ADCY3: variants seen among roughly 807,000 people sequenced by gnomAD.
ADCY3 encodes the protein adenylate cyclase 3, also known as adenylate cyclase type 3.
Under a neutral mutation model 119.4 loss-of-function variants are expected in ADCY3, and 70 were observed. The ratio of observed to expected loss-of-function variants is 0.59; its 90% confidence interval spans 0.48 to 0.72. ADCY3 has a LOEUF of 0.72. Among genes scored for constraint, ADCY3 ranks in the 30% least tolerant of loss-of-function variants. The pLI is 0.00. For synonymous variants in ADCY3, 672 were observed against 621.4 expected (o/e 1.08, Z -1.21); for missense variants, 1,238 against 1,541.6 (o/e 0.80, Z 3.30).
chr2:24,856,680 G>C (rs1474366028), intron 3 of ADCY3, among the ~76,000 whole-genome samples: 1 of 152,180 alleles, frequency 6.6e-6, no homozygotes, highest in Non-Finnish European at 1.5e-5. Flanking sequence ...AGACTAGGGG[G>C]CCCACGTGTG....
intron 13 of ADCY3, 103 bp from the exon 14 acceptor site, chr2:24,828,264 C>T (rs559928401): frequency 1.8e-5 from 25 of 1,400,456 alleles, no homozygotes; most frequent in Middle Eastern, 2.6e-4. Flanking sequence ...CCACCTCCCG[C>T]GGCTCCCCCA....
chr2:24,920,136 C>T lies in ADCY3; in HGVS notation c.-651G>A, dbSNP rs1157977369. On this transcript the variant is annotated 5_prime_UTR_variant, in exon 1 of 22. Coordinates refer to ENST00000679454, the MANE Select transcript of ADCY3 (RefSeq NM_004036.5). This position sits in a 1 kb window ranked among gnomAD's most constrained non-coding sequence, Gnocchi z 4.5. ...GAGCCCGGGGAAGCCCGCCAGCATC[C>T]TCTCGCCCGCCCGCGCCGAGCCGAG... is the stretch of plus-strand genomic sequence containing the variant. Among the ~76,000 whole-genome samples the T allele has an allele frequency of 6.8e-6, 1 of 146,254 alleles. No individual in the cohort carries two copies. The highest frequency in any genetic ancestry group is 1.5e-5 in the Non-Finnish European group (1 of 65,750).
intron 13 of ADCY3, 31 bp from the exon 14 acceptor site, chr2:24,828,192 C>A (rs368885005): frequency 1.6e-5 from 25 of 1,608,186 alleles, no homozygotes; most frequent in Non-Finnish European, 2.0e-5. Context: ...CAGGGACACA[C>A]GTTCAAGAGA....
At chr2:24,835,080 G>T in intron 9 of ADCY3, 144 bp from the exon 10 acceptor site, 1 of 1,165,844 alleles carries the variant, frequency 8.6e-7, no homozygotes, top group Non-Finnish European at 1.2e-6. Flanking sequence ...TCCCTTTCCG[G>T]GAAGTCTTCC....
At chr2:24,821,441 GTC>G (rs1286925154) in intron 20 of ADCY3, 74 bp downstream of exon 20, 48 of 1,576,038 alleles carry the variant, frequency 3.0e-5, no homozygotes, top group Non-Finnish European at 4.1e-5. Context: ...TGAGCCTCAT[GTC>G]TCTCCTGGTG....
rs140258004 is a variant in ADCY3 at position 24,824,417 on chromosome 2, G to A, written c.2697C>T (p.His899=). 3.1e-4 allele frequency: 505 copies of A among 1,614,204 alleles called. 2 individuals are homozygous for A. The highest frequency in any genetic ancestry group is 1.1e-3 in the South Asian group (103 of 91,090). The change falls in exon 17 of 22, where the codon CAC becomes CAT. Residue 899 remains histidine, a synonymous_variant. Coordinates refer to ENST00000679454, the MANE Select transcript of ADCY3 (RefSeq NM_004036.5). ...TGGACCCCAGGAAATGGCGTGCCAC[G>A]TGCTCAGGCAACATGTTGGTGACCA... ...EALVTNMLPE[H]VARHFLGSKK...
At chr2:24,869,678 TTACAGGCATAGCCACCTG>T (rs1286621136) in intron 3 of ADCY3, among the ~76,000 whole-genome samples, 1 of 152,172 alleles carries the variant, frequency 6.6e-6, no homozygotes, top group Non-Finnish European at 1.5e-5. Flanking sequence ...AGTGCTGATA[TTACAGGCATAGCCACCTG>T]CCTGGCCACA....
rs376322099 is a variant in ADCY3 at position 24,902,132 on chromosome 2, G to A, written c.675+16181C>T. On this transcript the variant is annotated intron_variant, in intron 2 of 21. Transcript: ENST00000679454. ...GTCTCACTCTGTTACCCAGGTTGGA[G>A]TGCAGTGTTGTGATCATGGCTCACT... Among the ~76,000 whole-genome samples the A allele has an allele frequency of 1.8e-4, 26 of 146,520 alleles. No homozygotes were observed. The South Asian group carries it at 5.5e-3, about 31-fold the overall frequency.
intron 2 of ADCY3, among the ~76,000 whole-genome samples, chr2:24,877,602 G>T (rs1675875123): frequency 1.3e-5 from 2 of 152,204 alleles, no homozygotes; most frequent in Non-Finnish European, 2.9e-5. Context: ...GCTGAGGATG[G>T]CTTCACGAAG....
chr2:24,821,399 G>T, intron 20 of ADCY3, 118 bp downstream of exon 20: 2 of 1,447,928 alleles, frequency 1.4e-6, no homozygotes, highest in South Asian at 1.3e-5. Context: ...GTGAGTGCGT[G>T]AACCTCCCCA....
chr2:24,837,494 C>A (rs879767415), intron 8 of ADCY3, among the ~76,000 whole-genome samples: 8 of 152,144 alleles, frequency 5.3e-5, no homozygotes, highest in Non-Finnish European at 1.0e-4. Context: ...GGAGTATCAG[C>A]CTTCACTCCG....
At chr2:24,876,671 A>C (rs1234261351) in intron 2 of ADCY3, among the ~76,000 whole-genome samples, 1 of 152,190 alleles carries the variant, frequency 6.6e-6, no homozygotes, top group African/African-American at 2.4e-5. Context: ...GGCCGCAGGA[A>C]GAACTTGATG....
chr2:24,820,034 C>G lies in ADCY3; in HGVS notation c.3333G>C (p.Lys1111Asn). 1.2e-6 allele frequency: 2 copies of G among 1,609,090 alleles called. No individual in the cohort carries two copies. The highest frequency in any genetic ancestry group is 8.5e-7 in the Non-Finnish European group (1 of 1,177,846). Residue 1111 changes from lysine to asparagine, a missense_variant, in exon 22 of 22, where the codon AAG (lysine) becomes AAC (asparagine). Lys to Asn is a moderately conservative substitution (Grantham distance 94). Coordinates refer to ENST00000679454, the MANE Select transcript of ADCY3 (RefSeq NM_004036.5). ...TCAAGAAGAAGGTCAGCAGCTCCCC[C>G]TTCCCCTTCACAAAGATGGGGCCTC... ...VRRGPIFVKG[K>N]GELLTFFLKG...
rs1678573197 is a variant in ADCY3, at chr2:24,898,746, G to A, written c.675+19567C>T. 6.6e-6 allele frequency among the ~76,000 whole-genome samples: 1 copy of A among 152,146 alleles called. No homozygotes were observed. The highest frequency in any genetic ancestry group is 2.1e-4 in the South Asian group (1 of 4,830). On this transcript the variant is annotated intron_variant, in intron 2 of 21. Transcript: ENST00000679454. This position sits in a 1 kb window ranked among gnomAD's most constrained non-coding sequence, Gnocchi z 4.3. ...AGACAACCCTTGCCTGGGGAAGCCT[G>A]GGAGGTTCGGGGAAGCAAACAGAAT...
intron 21 of ADCY3, 156 bp from the exon 22 acceptor site, chr2:24,820,270 G>A (rs982890862): frequency 1.9e-5 from 23 of 1,210,034 alleles, no homozygotes; most frequent in South Asian, 4.2e-5. Context: ...CCTTCCACCC[G>A]TGGCGAGCAG....
intron 2 of ADCY3, among the ~76,000 whole-genome samples, chr2:24,883,873 C>T (rs1676699625): frequency 6.6e-6 from 1 of 152,222 alleles, no homozygotes; most frequent in African/African-American, 2.4e-5. Flanking sequence ...CCATGGAACA[C>T]AGCAAACTCT....
chr2:24,853,465 ATC>A (rs1307012494), intron 3 of ADCY3, among the ~76,000 whole-genome samples: 5 of 134,010 alleles, frequency 3.7e-5, no homozygotes, highest in East Asian at 2.2e-4. Flanking sequence ...AACGCGCCTC[ATC>A]TTTTTTTTTT....
In ADCY3 at chr2:24,899,783, T is replaced by C. The variant is rs375807531; in HGVS notation, c.675+18530A>G. Among the ~76,000 whole-genome samples the C allele has an allele frequency of 1.9e-4, 29 of 152,292 alleles. No homozygotes were observed. In the East Asian group the frequency reaches 5.0e-3, roughly 26 times the overall value. On this transcript the variant is annotated intron_variant, in intron 2 of 21. Coordinates refer to ENST00000679454, the MANE Select transcript of ADCY3 (RefSeq NM_004036.5). The surrounding 1 kb of genome is among the most constrained non-coding windows in gnomAD (Gnocchi z 4.5). ...AAATGTGCATAGAGTCACATAAATA[T>C]GCAATTCACAGAAAGATCTCTGGAA...
Position 24,919,233 on chromosome 2 carries a change from G to A in ADCY3, c.-197-49C>T, listed in dbSNP as rs1558537573. The A allele has an allele frequency of 7.7e-6, 4 of 521,238 alleles. No homozygotes were observed. The Admixed American group carries it at 9.9e-5, about 13-fold the overall frequency. The allele number at this position is 521,238 out of a possible 1,614,324, so 32.3% of individuals were successfully genotyped here. A position where few individuals can be genotyped will look rare whatever the true frequency, so the allele number is the denominator to read the frequency against. The stretch of plus-strand genomic sequence containing the variant: ...AAGCACCTCTTCCCTCCTACCTTGC[G>A]GTTTCCCCATGACCCGCCCTAACCC... On this transcript the variant is annotated intron_variant, in intron 1 of 21. Coordinates refer to ENST00000679454, the MANE Select transcript of ADCY3 (RefSeq NM_004036.5). This position sits in a 1 kb window ranked among gnomAD's most constrained non-coding sequence, Gnocchi z 5.5.
Sources: allele counts gnomAD v4.1 joint callset (sites outside exome capture counted in the v4.1 genomes callset), GRCh38; gene constraint gnomAD v4.1.1; non-coding constraint Gnocchi (gnomAD v3.1); transcripts MANE v1.5; gene names NCBI Gene and HGNC (gene_info 2026-07-23, HGNC 2026-07-21).